Variants in CALCR observed in about 807,000 individuals in gnomAD.
CALCR encodes calcitonin receptor.
CALCR carries 47 observed loss-of-function variants against 59.5 expected under a neutral mutation model. The ratio of observed to expected loss-of-function variants is 0.79; its 90% CI spans 0.63 to 1.01. The LOEUF (loss-of-function observed/expected upper bound fraction) is 1.01. CALCR is among the 50% of genes least tolerant of loss of function. CALCR has a pLI of 0.00. For synonymous variants in CALCR, 213 were observed against 211.3 expected (o/e 1.01, Z -0.07); for missense variants, 566 against 597.1 (o/e 0.95, Z 0.54).
chr7:93,487,734 G>A (rs1016928693), intron 2 of CALCR, among the ~76,000 whole-genome samples: 1 of 151,530 alleles, frequency 6.6e-6, no homozygotes, highest in Middle Eastern at 3.4e-3. Context: ...AGTGGGAGTT[G>A]TGTGAAACCT....
chr7:93,460,852 A>G lies in CALCR; in HGVS notation c.617T>C (p.Val206Ala). Residue 206 changes from valine to alanine, a missense_variant, in exon 8 of 14, where the codon GTA becomes GCA. By Grantham distance (64) the Val-to-Ala change is moderately conservative. Transcript: ENST00000426151. ...MIIIIHLVEV[V>A]PNGELVRRDP... ...CCTTCGCACGAGCTCTCCATTGGGTACTACTTCAACCAGGTGGATGATGAT... is the reference window on the plus strand; with the variant it reads ...CCTTCGCACGAGCTCTCCATTGGGTGCTACTTCAACCAGGTGGATGATGAT... 6.2e-7 allele frequency: 1 copy of G among 1,611,120 alleles called. No homozygotes were observed. The highest frequency in any genetic ancestry group is 8.5e-7 in the Non-Finnish European group (1 of 1,178,118).
At chr7:93,545,062 T>C (rs1789249104) in intron 2 of CALCR, among the ~76,000 whole-genome samples, 1 of 152,036 alleles carries the variant, frequency 6.6e-6, no homozygotes, top group African/African-American at 2.4e-5. Flanking sequence ...GGCTGCTTCA[T>C]GGATAAGGTT....
chr7:93,451,637 C>T (rs145143922), intron 8 of CALCR, among the ~76,000 whole-genome samples: 14 of 152,060 alleles, frequency 9.2e-5, no homozygotes, highest in Admixed American at 2.6e-4. Flanking sequence ...ACACAAGTTT[C>T]GTTTTTCACC....
intron 13 of CALCR, among the ~76,000 whole-genome samples, chr7:93,433,939 A>T (rs1250227044): frequency 6.6e-6 from 1 of 152,202 alleles, no homozygotes; most frequent in Non-Finnish European, 1.5e-5. Flanking sequence ...GGGTCTTCCG[A>T]AGGGAATAGG....
intron 2 of CALCR, among the ~76,000 whole-genome samples, chr7:93,552,264 A>G (rs1198602333): frequency 1.3e-5 from 2 of 152,312 alleles, no homozygotes; most frequent in South Asian, 2.1e-4. Flanking sequence ...TAAAATGCCC[A>G]GCTCAACTTC....
intron 2 of CALCR, among the ~76,000 whole-genome samples, chr7:93,549,379 A>C (rs1789388922): frequency 6.6e-6 from 1 of 152,144 alleles, no homozygotes; most frequent in African/African-American, 2.4e-5. Context: ...GAGAGAAAAA[A>C]GGGATATCTG....
At position 93,424,660 on chromosome 7, in the gene CALCR, CTAT is replaced by C. The variant is rs1370395410; in HGVS notation, c.*1693_*1695del. 2.0e-5 allele frequency: 3 copies of C among 152,588 alleles called. No individual in the cohort carries two copies. Among genetic ancestry groups the C allele is most frequent in the Non-Finnish European group, 2.9e-5 (2 of 68,006 alleles). 9.5% of individuals were successfully genotyped at this position (152,588 alleles called of 1,614,324 possible). A position where few individuals can be genotyped will look rare whatever the true frequency, so the allele number is the denominator to read the frequency against. The stretch of plus-strand genomic sequence containing the variant: ...GCTATTTTGTTTTCTTCAACCCCTA[CTAT>C]ATTAGCATAATAACATCTAAAATAT... On this transcript the variant is annotated 3_prime_UTR_variant, in exon 14 of 14. Transcript: ENST00000426151.
chr7:93,436,245 G>GAC, intron 11 of CALCR, 75 bp from the exon 12 acceptor site: 1 of 1,220,296 alleles, frequency 8.2e-7, no homozygotes, highest in Non-Finnish European at 1.2e-6. Context: ...CTCAATTCTT[G>GAC]TTTATCCAGT....
intron 2 of CALCR, among the ~76,000 whole-genome samples, chr7:93,542,427 G>A (rs1789168328): frequency 6.6e-6 from 1 of 152,084 alleles, no homozygotes. Flanking sequence ...CTTATAAATG[G>A]AGCTTACAGG....
intron 2 of CALCR, among the ~76,000 whole-genome samples, chr7:93,489,374 C>T (rs911597041): frequency 6.6e-6 from 1 of 151,772 alleles, no homozygotes; most frequent in African/African-American, 2.4e-5. Flanking sequence ...CAAAAGCAAA[C>T]TAATCCAAAA....
intron 8 of CALCR, among the ~76,000 whole-genome samples, chr7:93,459,046 T>C (rs775213689): frequency 2.0e-5 from 3 of 152,150 alleles, no homozygotes; most frequent in South Asian, 2.1e-4. Context: ...CTTTTTGGGA[T>C]GAAAATATTT....
rs1338838294 is a variant in CALCR at position 93,503,666 on chromosome 7, A to G, written c.-26-16659T>C. Among the ~76,000 whole-genome samples, 3 of 152,324 alleles carry G rather than the reference A, an allele frequency of 2.0e-5. No individual in the cohort carries two copies. The East Asian group carries it at 5.8e-4, about 29-fold the overall frequency. ...GTTTTGTGCACTGTTGCTGATAGGA[A>G]TGTTCCCTATGGCGTAGCTTTGGAG... On this transcript the variant is annotated intron_variant, in intron 2 of 13. Transcript: ENST00000426151.
intron 8 of CALCR, among the ~76,000 whole-genome samples, chr7:93,451,125 T>C (rs975509607): frequency 2.0e-5 from 3 of 151,948 alleles, no homozygotes; most frequent in African/African-American, 7.2e-5. Context: ...TTTAAAAATA[T>C]AGTTGCCTGT....
rs1238905442 is a variant in CALCR, at chr7:93,438,245, G to A, written c.828C>T (p.Ile276=). The A allele has an allele frequency of 1.9e-6, 3 of 1,613,580 alleles. No homozygotes were observed. Among genetic ancestry groups the A allele is most frequent in the Non-Finnish European group, 2.5e-6 (3 of 1,179,502 alleles). Residue 276 remains isoleucine (I), a synonymous_variant, in exon 10 of 14, where the codon ATC becomes ATT. Transcript: ENST00000426151. ...GWGFPLVPTT[I]HAITRAVYFN... ...AGTACACGGCCCTGGTAATAGCATG[G>A]ATAGTGGTTGGCACCAGCGGGAACC...
intron 2 of CALCR, among the ~76,000 whole-genome samples, chr7:93,573,839 C>A (rs1431049360): frequency 6.6e-6 from 1 of 152,214 alleles, no homozygotes. Context: ...ACAAGCAACT[C>A]CATTCACTAC....
chr7:93,496,996 A>G (rs1003073716), intron 2 of CALCR, among the ~76,000 whole-genome samples: 4 of 151,446 alleles, frequency 2.6e-5, no homozygotes, highest in South Asian at 2.1e-4. Flanking sequence ...ATGGCCATAA[A>G]CCCAATTTAT....
intron 8 of CALCR, among the ~76,000 whole-genome samples, chr7:93,458,411 T>G (rs1368763366): frequency 1.3e-5 from 2 of 152,108 alleles, no homozygotes; most frequent in African/African-American, 4.8e-5. Flanking sequence ...GAAACAAAAA[T>G]GAAAATATCC....
At chr7:93,567,255 C>T (rs1789884157) in intron 2 of CALCR, among the ~76,000 whole-genome samples, 1 of 152,314 alleles carries the variant, frequency 6.6e-6, no homozygotes, top group African/African-American at 2.4e-5. Flanking sequence ...TAGTTGATAA[C>T]TTAAAACAAG....
At chr7:93,427,308 G>T (rs1799550668) in intron 13 of CALCR, among the ~76,000 whole-genome samples, 1 of 152,178 alleles carries the variant, frequency 6.6e-6, no homozygotes, top group Non-Finnish European at 1.5e-5. Context: ...CAGTGAATTT[G>T]CTTGTCTAGC....
Sources: gnomAD v4.1 joint callset for allele counts (sites outside exome capture counted in the v4.1 genomes callset) on GRCh38, gnomAD v4.1.1 for gene constraint, MANE v1.5 for transcripts, NCBI Gene and HGNC (gene_info 2026-07-23, HGNC 2026-07-21) for gene names.